Variants in DOCK4 observed in about 807,000 individuals in gnomAD.
The protein encoded by DOCK4 is dedicator of cytokinesis protein 4.
In DOCK4, 97 loss-of-function variants were observed where a neutral mutation model predicts 268.1. The ratio of observed to expected loss-of-function variants is 0.36; its 90% CI spans 0.31 to 0.43. The LOEUF is 0.43. Among genes scored for constraint, DOCK4 ranks in the 20% least tolerant of loss-of-function variants. DOCK4 has a pLI of 1.00. For synonymous variants in DOCK4, 954 were observed against 887.2 expected (o/e 1.08, Z -1.34); for missense variants, 2,145 against 2,455.7 (o/e 0.87, Z 2.67).
intron 1 of DOCK4, among the ~76,000 whole-genome samples, chr7:112,138,219 C>A (rs1160953618): frequency 2.0e-5 from 3 of 152,158 alleles, no homozygotes; most frequent in African/African-American, 7.2e-5. Context: ...CCTTATTGGT[C>A]CCTTTAGTTG....
chr7:111,915,446 G>A (rs1015637232), intron 13 of DOCK4, among the ~76,000 whole-genome samples: 2 of 152,020 alleles, frequency 1.3e-5, no homozygotes, highest in Admixed American at 6.6e-5. Context: ...AATATTTTCT[G>A]GACAGTAACT....
chr7:111,783,844 C>A lies in DOCK4; in HGVS notation c.3524+13G>T. 3.8e-6 allele frequency: 6 copies of A among 1,586,208 alleles called. No individual in the cohort carries two copies. The highest frequency in any genetic ancestry group is 1.3e-5 in the African/African-American group (1 of 74,468). Reference sequence around the variant, plus strand: ...ATGAACTGGAGTTCAGAAAAACATGCGACTTGGCTTACCTGTAATCTAACA... The same window carrying A: ...ATGAACTGGAGTTCAGAAAAACATGAGACTTGGCTTACCTGTAATCTAACA... On this transcript the variant is annotated intron_variant, in intron 34 of 52. Transcript: ENST00000428084.
intron 28 of DOCK4, 35 bp from the exon 29 acceptor site, chr7:111,809,436 G>A (rs1451164081): frequency 2.0e-6 from 3 of 1,497,838 alleles, no homozygotes; most frequent in Non-Finnish European, 2.7e-6. Flanking sequence ...ATACTATGGT[G>A]TTACAAGCAT....
At chr7:111,764,852 T>A (rs1033467700) in intron 39 of DOCK4, among the ~76,000 whole-genome samples, 1 of 151,828 alleles carries the variant, frequency 6.6e-6, no homozygotes, top group Non-Finnish European at 1.5e-5. Flanking sequence ...CAGACTGAAT[T>A]AAAATAGTGG....
intron 30 of DOCK4, among the ~76,000 whole-genome samples, chr7:111,797,519 A>G (rs1799985437): frequency 6.6e-6 from 1 of 152,176 alleles, no homozygotes; most frequent in African/African-American, 2.4e-5. Flanking sequence ...CAAGCAACAG[A>G]GAATTTCAGA....
chr7:111,925,602 A>G (rs887815432), intron 12 of DOCK4, among the ~76,000 whole-genome samples: 19 of 152,194 alleles, frequency 1.2e-4, no homozygotes, highest in Admixed American at 1.2e-3. Flanking sequence ...CAATGTGTTA[A>G]TTACATGATG....
intron 16 of DOCK4, among the ~76,000 whole-genome samples, chr7:111,889,242 T>C (rs1195896251): frequency 6.6e-6 from 1 of 152,190 alleles, no homozygotes; most frequent in Non-Finnish European, 1.5e-5. Flanking sequence ...TCACAGCATG[T>C]AATGAATGAA....
chr7:112,141,341 A>C (rs7792382), intron 1 of DOCK4, among the ~76,000 whole-genome samples: 76,591 of 152,054 alleles, frequency 0.5, 19,682 homozygotes, highest in African/African-American at 0.6. Flanking sequence ...GTCAGCTTGG[A>C]TAGACTACAG....
At chr7:112,189,746 GTTTTTTTTTTT>G (rs57399750) in intron 1 of DOCK4, among the ~76,000 whole-genome samples, 1 of 95,776 alleles carries the variant, frequency 1.0e-5, no homozygotes, top group Non-Finnish European at 1.9e-5. Context: ...TCTGGGTTTT[GTTTTTTTTTTT>G]TTTTTTTTTT....
chr7:111,859,796 T>C (rs1252032349), intron 23 of DOCK4, among the ~76,000 whole-genome samples: 1 of 151,952 alleles, frequency 6.6e-6, no homozygotes, highest in African/African-American at 2.4e-5. Flanking sequence ...CTCGATCTTC[T>C]GACCTCGTGA....
intron 16 of DOCK4, among the ~76,000 whole-genome samples, chr7:111,877,848 A>G (rs1417171403): frequency 6.6e-6 from 1 of 152,238 alleles, no homozygotes; most frequent in African/African-American, 2.4e-5. Flanking sequence ...AGAATTGTTG[A>G]AGAGGAATCG....
intron 30 of DOCK4, among the ~76,000 whole-genome samples, chr7:111,792,062 ACAC>A: frequency 6.6e-6 from 1 of 152,266 alleles, no homozygotes; most frequent in Middle Eastern, 3.2e-3. Context: ...AATGGTATGG[ACAC>A]AGATGATTTC....
At position 111,784,152 on chromosome 7, in the gene DOCK4, T is replaced by C. The variant is rs765990970; in HGVS notation, c.3402-29A>G. The C allele has an allele frequency of 1.5e-5, 23 of 1,562,002 alleles. No homozygotes were observed. The East Asian group carries it at 1.8e-4, about 12-fold the overall frequency. On this transcript the variant is annotated intron_variant, in intron 32 of 52. Transcript: ENST00000428084. ...ATCCAGGAAGCATTGACAAAGCAAA[T>C]TGATTTTCAGATTATCCAAGTCATA...
chr7:111,867,718 T>C (rs1276814762), intron 22 of DOCK4, among the ~76,000 whole-genome samples: 1 of 152,176 alleles, frequency 6.6e-6, no homozygotes, highest in Admixed American at 6.5e-5. Flanking sequence ...GTCGTCAGTA[T>C]GTGTTCTGGT....
intron 13 of DOCK4, among the ~76,000 whole-genome samples, chr7:111,912,100 G>A (rs1370015156): frequency 2.6e-5 from 4 of 152,110 alleles, no homozygotes; most frequent in Non-Finnish European, 5.9e-5. Context: ...AATTTCAGTC[G>A]GGCAATTACA....
At chr7:111,954,685 G>C (rs1248063031) in intron 8 of DOCK4, among the ~76,000 whole-genome samples, 1 of 152,086 alleles carries the variant, frequency 6.6e-6, no homozygotes, top group Non-Finnish European at 1.5e-5. Flanking sequence ...TGTCAGACTG[G>C]GACACTTCCT....
At chr7:111,738,648 T>C (rs1243451697) in intron 49 of DOCK4, among the ~76,000 whole-genome samples, 1 of 152,214 alleles carries the variant, frequency 6.6e-6, no homozygotes, top group Admixed American at 6.5e-5. Context: ...ATCAGAAATA[T>C]GGCTCAGGGC....
intron 1 of DOCK4, among the ~76,000 whole-genome samples, chr7:112,053,568 C>T (rs531440816): frequency 5.3e-5 from 8 of 152,302 alleles, no homozygotes; most frequent in African/African-American, 1.9e-4. Context: ...CAAAGTGTTG[C>T]AAAGCATAGT....
intron 1 of DOCK4, among the ~76,000 whole-genome samples, chr7:112,032,137 A>C (rs529385326): frequency 7.2e-5 from 11 of 152,338 alleles, no homozygotes; most frequent in African/African-American, 2.4e-4. Context: ...TTGATAGCAA[A>C]AAAAATGTGA....
Sources: allele counts gnomAD v4.1 joint callset (sites outside exome capture counted in the v4.1 genomes callset), GRCh38; gene constraint gnomAD v4.1.1; transcripts MANE v1.5; gene names NCBI Gene and HGNC (gene_info 2026-07-23, HGNC 2026-07-21).